Variants in NIM1K observed in about 807,000 individuals in gnomAD.
The protein encoded by NIM1K is NIM1 serine/threonine protein kinase.
A neutral mutation model predicts 37.1 loss-of-function variants in NIM1K; 35 were observed. The observed-to-expected ratio is 0.94, with a 90% confidence interval of 0.72 to 1.25. NIM1K has a LOEUF of 1.25. Ranked by LOEUF, NIM1K falls within the 50% of genes most tolerant of loss-of-function variation. The pLI, the probability that NIM1K is intolerant of heterozygous loss-of-function variation, is 0.00. For missense variants in NIM1K, 564 were observed against 548.0 expected (o/e 1.03, Z -0.29); for synonymous variants, 234 against 206.6 (o/e 1.13, Z -1.14).
At chr5:43,258,858 T>C (rs1388027847) in intron 2 of NIM1K, among the ~76,000 whole-genome samples, 1 of 152,188 alleles carries the variant, frequency 6.6e-6, no homozygotes, top group East Asian at 1.9e-4. Flanking sequence ...TCTTAGATTT[T>C]AGTGCACCTA....
At chr5:43,208,203 TTCCC>T in intron 1 of NIM1K, among the ~76,000 whole-genome samples, 1 of 152,308 alleles carries the variant, frequency 6.6e-6, no homozygotes, top group Non-Finnish European at 1.5e-5. Context: ...TGGTGTTTCT[TTCCC>T]CAATAATTGA....
intron 2 of NIM1K, among the ~76,000 whole-genome samples, chr5:43,248,851 CT>C (rs34309370): frequency 0.3 from 43,245 of 145,670 alleles, 6,894 homozygotes; most frequent in East Asian, 0.67. Flanking sequence ...CTTGCTCAGT[CT>C]TTTTTTTTTT....
chr5:43,208,526 C>T (rs1752151360), intron 1 of NIM1K, among the ~76,000 whole-genome samples: 1 of 151,650 alleles, frequency 6.6e-6, no homozygotes, highest in Non-Finnish European at 1.5e-5. Context: ...TCGCTTGAAC[C>T]AGGAAGTGGA....
intron 1 of NIM1K, among the ~76,000 whole-genome samples, chr5:43,201,465 C>CT (rs1752019453): frequency 6.6e-6 from 1 of 151,466 alleles, no homozygotes; most frequent in African/African-American, 2.4e-5. Flanking sequence ...TCTTTGAAGA[C>CT]TAACAACAAA....
At chr5:43,244,754 A>G (rs1193948144) in intron 1 of NIM1K, among the ~76,000 whole-genome samples, 1 of 152,236 alleles carries the variant, frequency 6.6e-6, no homozygotes, top group Non-Finnish European at 1.5e-5. Context: ...AGAATCTTTC[A>G]TCTTTGCTAT....
chr5:43,265,461 G>A (rs1753129914), intron 2 of NIM1K, among the ~76,000 whole-genome samples: 2 of 152,162 alleles, frequency 1.3e-5, no homozygotes, highest in African/African-American at 4.8e-5. Flanking sequence ...ATGGTTTTCA[G>A]CTCCATCAGG....
At chr5:43,194,792 C>G (rs1464817833) in intron 1 of NIM1K, 1 of 152,144 alleles carries the variant, frequency 6.6e-6, no homozygotes, top group Non-Finnish European at 1.5e-5. Flanking sequence ...GAGACTGGGT[C>G]TCGCCATGTT....
intron 1 of NIM1K, among the ~76,000 whole-genome samples, chr5:43,216,558 A>G (rs1367809650): frequency 6.6e-6 from 1 of 152,230 alleles, no homozygotes; most frequent in Non-Finnish European, 1.5e-5. Flanking sequence ...GGTGAGCAAG[A>G]AGTATTTTGG....
At chr5:43,219,228 G>T (rs911165626) in intron 1 of NIM1K, among the ~76,000 whole-genome samples, 1 of 151,862 alleles carries the variant, frequency 6.6e-6, no homozygotes, top group African/African-American at 2.4e-5. Flanking sequence ...TTTTCAGTTC[G>T]AGACCAGCTT....
At chr5:43,248,730 A>G (rs1416895985) in intron 2 of NIM1K, among the ~76,000 whole-genome samples, 1 of 152,126 alleles carries the variant, frequency 6.6e-6, no homozygotes, top group African/African-American at 2.4e-5. Flanking sequence ...TATAAGTTCC[A>G]GTCTGAAAGC....
In NIM1K at chr5:43,237,499, C is replaced by A. The variant is rs569259469; in HGVS notation, c.-694-7583C>A. On this transcript the variant is annotated intron_variant, in intron 1 of 3. Transcript: ENST00000326035. The stretch of plus-strand genomic sequence containing the variant: ...AAGGGCAAAGGCAAAAGAACAACAA[C>A]AAAAAACTCACTTACATCTGAAATT... Among the ~76,000 whole-genome samples the A allele has an allele frequency of 1.3e-4, 20 of 152,246 alleles. No homozygotes were observed. In the South Asian group the frequency reaches 4.1e-3, roughly 32 times the overall value.
chr5:43,278,705 A>G (rs1753392719), intron 3 of NIM1K, among the ~76,000 whole-genome samples: 1 of 152,200 alleles, frequency 6.6e-6, no homozygotes, highest in African/African-American at 2.4e-5. Flanking sequence ...CATGCCAGGC[A>G]CTGAAAAAGT....
At chr5:43,194,280 G>A (rs1751879277) in intron 1 of NIM1K, among the ~76,000 whole-genome samples, 1 of 152,182 alleles carries the variant, frequency 6.6e-6, no homozygotes, top group Non-Finnish European at 1.5e-5. Context: ...AGAGGCTAGT[G>A]GGGAAAAAGC....
intron 1 of NIM1K, among the ~76,000 whole-genome samples, chr5:43,211,331 T>C (rs961688889): frequency 6.6e-6 from 1 of 152,144 alleles, no homozygotes; most frequent in Non-Finnish European, 1.5e-5. Flanking sequence ...AGTGAAAGGT[T>C]CTGGTCTGCT....
intron 2 of NIM1K, among the ~76,000 whole-genome samples, chr5:43,258,164 G>T (rs187172700): frequency 6.6e-6 from 1 of 152,150 alleles, no homozygotes; most frequent in Non-Finnish European, 1.5e-5. Flanking sequence ...GATTGCTTTT[G>T]ACTGTTTTAA....
At chr5:43,194,253 AG>A (rs986550681) in intron 1 of NIM1K, among the ~76,000 whole-genome samples, 1 of 152,246 alleles carries the variant, frequency 6.6e-6, no homozygotes, top group African/African-American at 2.4e-5. Context: ...GGGAGAATGT[AG>A]GGGGGGATTC....
chr5:43,192,674 G>C (rs1294734042), intron 1 of NIM1K, among the ~76,000 whole-genome samples: 1 of 152,084 alleles, frequency 6.6e-6, no homozygotes. Context: ...GTGCTCGCGC[G>C]TGTGTGCCCG....
chr5:43,237,032 T>A (rs1752632552), intron 1 of NIM1K, among the ~76,000 whole-genome samples: 1 of 152,252 alleles, frequency 6.6e-6, no homozygotes, highest in Non-Finnish European at 1.5e-5. Flanking sequence ...GAGATGAATT[T>A]GCTAATTATT....
intron 1 of NIM1K, among the ~76,000 whole-genome samples, chr5:43,238,779 C>G (rs900037024): frequency 6.6e-6 from 1 of 151,604 alleles, no homozygotes; most frequent in Admixed American, 6.6e-5. Context: ...GAGGAGTAGC[C>G]AACCTCGAGG....
Sources: gnomAD v4.1 joint callset for allele counts (sites outside exome capture counted in the v4.1 genomes callset) on GRCh38, gnomAD v4.1.1 for gene constraint, MANE v1.5 for transcripts, NCBI Gene and HGNC (gene_info 2026-07-23, HGNC 2026-07-21) for gene names.